The following MAD2L1BP variants were observed in gnomAD, a reference collection of about 807,000 sequenced individuals.
The protein encoded by MAD2L1BP is MAD2L1 binding protein, also known as MAD2L1-binding protein.
MAD2L1BP carries 22 observed loss-of-function variants against 28.4 expected under a neutral mutation model. The ratio of observed to expected loss-of-function variants is 0.77; its 90% CI spans 0.55 to 1.10. The LOEUF (loss-of-function observed/expected upper bound fraction) is 1.10. Among genes scored for constraint, MAD2L1BP ranks in the 50% least tolerant of loss-of-function variants. The pLI is 0.00. For missense variants in MAD2L1BP, 325 were observed against 350.5 expected, an observed-to-expected ratio of 0.93 and a Z score of 0.58; for synonymous variants, 146 against 133.7, an observed-to-expected ratio of 1.09 and a Z score of -0.63.
chr6:43,630,159 A>C (rs897358709), intron 1 of MAD2L1BP, among the ~76,000 whole-genome samples: 1 of 152,244 alleles, frequency 6.6e-6, no homozygotes, highest in Non-Finnish European at 1.5e-5. Context: ...CCGGGAATAG[A>C]AACTTGGCCT....
chr6:43,630,456 T>C (rs1769837232), intron 1 of MAD2L1BP, among the ~76,000 whole-genome samples: 1 of 151,968 alleles, frequency 6.6e-6, no homozygotes, highest in Admixed American at 6.6e-5. Flanking sequence ...ATTAAACAAC[T>C]CAGCCGGGTG....
At position 43,640,303 on chromosome 6, in the gene MAD2L1BP, G is replaced by T. The variant is rs1561932129; in HGVS notation, c.595G>T (p.Ala199Ser). The T allele has an allele frequency of 6.2e-7, 1 of 1,613,486 alleles. No homozygotes were observed. The highest frequency in any genetic ancestry group is 2.2e-5 in the East Asian group (1 of 44,870). ...CTTCCGAGCCATATTCATGGCTGAT[G>T]CCTTTAGCGAGCTTCAGGCTCCTCC... is the stretch of plus-strand genomic sequence containing the variant. ...RLFRAIFMAD[A>S]FSELQAPPLM... Residue 199 changes from alanine to serine, a missense_variant, in exon 3 of 3, where the codon GCC becomes TCC. Physicochemically the swap from Ala to Ser is moderately conservative, Grantham distance 99. Transcript: ENST00000372171.
chr6:43,636,775 T>C lies in MAD2L1BP; in HGVS notation c.312+129T>C, dbSNP rs557112778. On this transcript the variant is annotated intron_variant, in intron 2 of 2. Coordinates refer to ENST00000372171, the MANE Select transcript of MAD2L1BP (RefSeq NM_014628.3). ...AAGCAGCTTCCAGGGCTTCGGTCAC[T>C]TTCTCCCCACTCTAGTCTTTGGTAG... 1.4e-5 allele frequency: 15 copies of C among 1,093,534 alleles called. No homozygotes were observed. In the Admixed American group the frequency reaches 2.6e-4, roughly 19 times the overall value. The allele number at this position is 1,093,534 out of a possible 1,614,324, so 67.7% of individuals were successfully genotyped here. A position where few individuals can be genotyped will look rare whatever the true frequency, so the allele number is the denominator to read the frequency against.
At chr6:43,630,751 A>G (rs796672403) in intron 1 of MAD2L1BP, among the ~76,000 whole-genome samples, 1 of 151,124 alleles carries the variant, frequency 6.6e-6, no homozygotes, top group African/African-American at 2.4e-5. Flanking sequence ...TAAAAAAAAA[A>G]AAAAAAAATT....
At chr6:43,635,752 C>G (rs553046073), upstream of MAD2L1BP, 2 of 958,968 alleles carry the variant, frequency 2.1e-6, no homozygotes, top group South Asian at 2.0e-5. Context: ...TAACCTCCCC[C>G]ACACTGCGGC....
chr6:43,635,777 T>C, upstream of MAD2L1BP: 4 of 1,302,758 alleles, frequency 3.1e-6, no homozygotes, highest in Non-Finnish European at 4.0e-6. Flanking sequence ...CCGCGCCTTT[T>C]TTCCGACCCA....
chr6:43,630,908 C>CAA (rs753239311), upstream of MAD2L1BP, among the ~76,000 whole-genome samples: 598 of 51,696 alleles, frequency 0.012, 21 homozygotes, highest in African/African-American at 0.02. Flanking sequence ...GACTTCGTCT[C>CAA]AAAAAAAAAA....
chr6:43,635,999 C>T, intron 1 of MAD2L1BP, 78 bp downstream of exon 1: 2 of 1,388,534 alleles, frequency 1.4e-6, no homozygotes, highest in African/African-American at 1.5e-5. Flanking sequence ...ATTCGTTTAT[C>T]CGCTGGTCCT....
intron 2 of MAD2L1BP, among the ~76,000 whole-genome samples, chr6:43,638,386 A>C (rs1192064272): frequency 6.6e-6 from 1 of 151,986 alleles, no homozygotes; most frequent in African/African-American, 2.4e-5. Flanking sequence ...TTGAATTTTT[A>C]AGTTTTTCTT....
At chr6:43,637,141 T>C (rs1770273756) in intron 2 of MAD2L1BP, among the ~76,000 whole-genome samples, 1 of 152,328 alleles carries the variant, frequency 6.6e-6, no homozygotes, top group East Asian at 1.9e-4. Flanking sequence ...CTCGGCTCAC[T>C]GCAGCCTCCA....
At chr6:43,637,376 C>CTT (rs149975418) in intron 2 of MAD2L1BP, among the ~76,000 whole-genome samples, 4,943 of 150,170 alleles carry the variant, frequency 0.033, 260 homozygotes, top group African/African-American at 0.11. Flanking sequence ...CTGCATGTTT[C>CTT]TTTAATAGCA....
Position 43,635,895 on chromosome 6 carries a change from A to G in MAD2L1BP, c.20A>G (p.Glu7Gly), listed in dbSNP as rs557452516. The change falls in exon 1 of 3, where the codon GAG becomes GGG. Residue 7 changes from glutamate to glycine, a missense_variant. Glu to Gly is a moderately conservative substitution (Grantham distance 98). Coordinates refer to ENST00000372171, the MANE Select transcript of MAD2L1BP (RefSeq NM_014628.3). MAAPEAEVLSSAAVPDL... is the reference protein window; with the variant it reads MAAPEAGVLSSAAVPDL... ...GTCGTGATGGCGGCGCCGGAGGCGG[A>G]GGTTCTGTCCTCAGCCGCAGTCCCT... 9 of 1,480,694 alleles carry G rather than the reference A, an allele frequency of 6.1e-6. No homozygotes were observed. The highest frequency in any genetic ancestry group is 3.0e-5 in the Admixed American group (1 of 33,352). The allele number at this position is 1,480,694 out of a possible 1,614,324, so 91.7% of individuals were successfully genotyped here.
chr6:43,635,884 G>A lies in MAD2L1BP; in HGVS notation c.9G>A (p.Ala3=), dbSNP rs1395377671. MA[A]PEAEVLSSAA... is the part of the protein sequence containing the mutation. ...GCGGAGGGGAGGTCGTGATGGCGGC[G>A]CCGGAGGCGGAGGTTCTGTCCTCAG... Residue 3 remains alanine, a synonymous_variant, in exon 1 of 3, where the codon GCG becomes GCA. Transcript: ENST00000372171. 6.8e-7 allele frequency: 1 copy of A among 1,478,486 alleles called. No individual in the cohort carries two copies. Among genetic ancestry groups the A allele is most frequent in the Non-Finnish European group, 8.9e-7 (1 of 1,121,288 alleles). The allele number at this position is 1,478,486 out of a possible 1,614,324, so 91.6% of individuals were successfully genotyped here.
At chr6:43,635,785 C>A, upstream of MAD2L1BP, 1 of 1,335,904 alleles carries the variant, frequency 7.5e-7, no homozygotes, top group Non-Finnish European at 9.8e-7. Context: ...TTTTTCCGAC[C>A]CAACTGAGCC....
In MAD2L1BP at chr6:43,637,536, C is replaced by G. The variant is rs190077456; in HGVS notation, c.312+890C>G. 5.6e-3 allele frequency among the ~76,000 whole-genome samples: 841 copies of G among 150,876 alleles called. 4 individuals are homozygous for G. The highest frequency in any genetic ancestry group is 6.3e-3 in the Non-Finnish European group (423 of 67,608). ...AATCTCCCAGGTTCAAGTGATTCTC[C>G]TGCCTCAGCCTCCCCAGTAGCTGGG... On this transcript the variant is annotated intron_variant, in intron 2 of 2. Coordinates refer to ENST00000372171, the MANE Select transcript of MAD2L1BP (RefSeq NM_014628.3).
chr6:43,639,009 T>A lies in MAD2L1BP; in HGVS notation c.313-1012T>A, dbSNP rs545858474. 2.0e-5 allele frequency among the ~76,000 whole-genome samples: 3 copies of A among 152,302 alleles called. No homozygotes were observed. In the South Asian group the frequency reaches 6.2e-4, roughly 32 times the overall value. On this transcript the variant is annotated intron_variant, in intron 2 of 2. Transcript: ENST00000372171. ...CATTTCCCCTATATTCACTCTTGCCTCTGTGGTGCCTGTATCACCACTTCC... is the reference window on the plus strand; with the variant it reads ...CATTTCCCCTATATTCACTCTTGCCACTGTGGTGCCTGTATCACCACTTCC...
At position 43,640,575 on chromosome 6, in the gene MAD2L1BP, C is replaced by G; in HGVS notation, c.*42C>G. 2 of 1,522,234 alleles carry G rather than the reference C, an allele frequency of 1.3e-6. No homozygotes were observed. Among genetic ancestry groups the G allele is most frequent in the East Asian group, 4.6e-5 (2 of 43,712 alleles). The allele number at this position is 1,522,234 out of a possible 1,614,324, so 94.3% of individuals were successfully genotyped here. On this transcript the variant is annotated 3_prime_UTR_variant, in exon 3 of 3. Transcript: ENST00000372171. ...CCTAAAAACACAATGGCTGAATTAT[C>G]TTTCTCCATGTGGCGCTGAATCACC...
chr6:43,634,610 G>C (rs992698127), upstream of MAD2L1BP, among the ~76,000 whole-genome samples: 1 of 151,864 alleles, frequency 6.6e-6, no homozygotes. Context: ...ACCTAGGCTG[G>C]AGTATAGTGG....
At chr6:43,632,288 G>A (rs1769970148), upstream of MAD2L1BP, among the ~76,000 whole-genome samples, 1 of 140,484 alleles carries the variant, frequency 7.1e-6, no homozygotes, top group Admixed American at 7.1e-5. Flanking sequence ...TTTAGGTAGG[G>A]TCTCCTTCTG....
Sources: gnomAD v4.1 joint callset for allele counts (sites outside exome capture counted in the v4.1 genomes callset) on GRCh38, gnomAD v4.1.1 for gene constraint, MANE v1.5 for transcripts, NCBI Gene and HGNC (gene_info 2026-07-23, HGNC 2026-07-21) for gene names.